The following SPOCK1 variants were observed in gnomAD, a reference collection of about 807,000 sequenced individuals.
SPOCK1 encodes the protein SPARC (osteonectin), cwcv and kazal like domains proteoglycan 1.
In SPOCK1, 23 loss-of-function variants were observed where a neutral mutation model predicts 55.3. That is an observed-to-expected ratio of 0.42 (90% CI 0.30 to 0.59). The LOEUF (loss-of-function observed/expected upper bound fraction) is 0.59. Among genes scored for constraint, SPOCK1 ranks in the 20% least tolerant of loss-of-function variants. The probability of loss-of-function intolerance (pLI) is 0.22; values close to 1 mark genes in which losing one functional copy is unlikely to be tolerated. For missense variants in SPOCK1, 499 were observed against 552.5 expected, an observed-to-expected ratio of 0.90 and a Z score of 0.97; for synonymous variants, 226 against 221.0, an observed-to-expected ratio of 1.02 and a Z score of -0.20.
intron 6 of SPOCK1, among the ~76,000 whole-genome samples, chr5:136,993,840 C>G (rs1750992807): frequency 6.6e-6 from 1 of 152,212 alleles, no homozygotes; most frequent in Non-Finnish European, 1.5e-5. Context: ...AAACTCCAAG[C>G]TAGCCTTCAA....
chr5:137,301,292 C>T (rs1757583828), intron 2 of SPOCK1, among the ~76,000 whole-genome samples: 1 of 152,206 alleles, frequency 6.6e-6, no homozygotes, highest in South Asian at 2.1e-4. Flanking sequence ...ATGCCTGTGG[C>T]TGTCCTGGAC....
chr5:137,159,159 G>C (rs900334052), intron 3 of SPOCK1, among the ~76,000 whole-genome samples: 4 of 152,098 alleles, frequency 2.6e-5, no homozygotes, highest in Non-Finnish European at 5.9e-5. Context: ...TTCTTTGATG[G>C]AGATACAATA....
At chr5:137,326,768 C>A (rs994161679) in intron 2 of SPOCK1, among the ~76,000 whole-genome samples, 3 of 152,172 alleles carry the variant, frequency 2.0e-5, no homozygotes, top group African/African-American at 7.2e-5. Flanking sequence ...GAGATTCAAC[C>A]TTTCACAGAA....
At chr5:137,441,904 C>A (rs1753022341) in intron 2 of SPOCK1, among the ~76,000 whole-genome samples, 1 of 152,194 alleles carries the variant, frequency 6.6e-6, no homozygotes, top group African/African-American at 2.4e-5. Context: ...GCAGAACCCC[C>A]AACAGAGCCA....
chr5:137,149,856 C>T (rs1561627741), intron 3 of SPOCK1, among the ~76,000 whole-genome samples: 1 of 152,136 alleles, frequency 6.6e-6, no homozygotes, highest in Non-Finnish European at 1.5e-5. Context: ...GCAGCTTTGC[C>T]ACTTCTTGCC....
intron 3 of SPOCK1, among the ~76,000 whole-genome samples, chr5:137,266,460 G>C (rs1400842307): frequency 6.6e-6 from 1 of 152,138 alleles, no homozygotes; most frequent in Admixed American, 6.6e-5. Context: ...TGCTTGCTGG[G>C]GGAATGGGGG....
intron 2 of SPOCK1, among the ~76,000 whole-genome samples, chr5:137,412,940 T>C (rs1752239753): frequency 1.3e-5 from 2 of 151,970 alleles, no homozygotes; most frequent in African/African-American, 4.8e-5. Flanking sequence ...TAGATCACTA[T>C]GTTCTAACAG....
chr5:137,251,757 A>G (rs930463636), intron 3 of SPOCK1, among the ~76,000 whole-genome samples: 1 of 152,190 alleles, frequency 6.6e-6, no homozygotes, highest in Non-Finnish European at 1.5e-5. Context: ...GACAGCATAA[A>G]AAAATTATAA....
At chr5:137,405,105 A>T (rs938393155) in intron 2 of SPOCK1, among the ~76,000 whole-genome samples, 1 of 152,210 alleles carries the variant, frequency 6.6e-6, no homozygotes, top group Non-Finnish European at 1.5e-5. Context: ...GCGCCAGAAA[A>T]TTTCCTGAGA....
chr5:137,172,998 C>T lies in SPOCK1; in HGVS notation c.233-32304G>A, dbSNP rs116641421. On this transcript the variant is annotated intron_variant, in intron 3 of 10. Coordinates refer to ENST00000394945, the MANE Select transcript of SPOCK1 (RefSeq NM_004598.4). Reference sequence around the variant, plus strand: ...GCATGTCAAGGGCACAGAAGATATCCATCTTTTTTATCCCCTACCCAATAT... The same window carrying T: ...GCATGTCAAGGGCACAGAAGATATCTATCTTTTTTATCCCCTACCCAATAT... 7.5e-3 allele frequency among the ~76,000 whole-genome samples: 1,137 copies of T among 152,282 alleles called. 15 individuals are homozygous for T. Among genetic ancestry groups the T allele is most frequent in the African/African-American group, 0.027 (1,107 of 41,544 alleles).
intron 9 of SPOCK1, 140 bp downstream of exon 9, chr5:136,985,000 A>G: frequency 1.2e-6 from 1 of 838,558 alleles, no homozygotes; most frequent in East Asian, 2.5e-5. Flanking sequence ...TGCCTGGAAG[A>G]GCTCTGCCTG....
chr5:137,495,948 T>A (rs2149846544), intron 2 of SPOCK1, among the ~76,000 whole-genome samples: 1 of 152,332 alleles, frequency 6.6e-6, no homozygotes, highest in South Asian at 2.1e-4. Flanking sequence ...TTTTTAGATG[T>A]TTTAATGGCA....
In SPOCK1 at chr5:137,222,269, TG is replaced by T. The variant is rs548306274; in HGVS notation, c.232+44740del. Among the ~76,000 whole-genome samples the T allele has an allele frequency of 2.9e-3, 443 of 152,196 alleles. 2 individuals carry two copies. The highest frequency in any genetic ancestry group is 6.0e-3 in the African/African-American group (250 of 41,518). ...ATTCCCGCCCCCACTTCAGAGTAGG[TG>T]GGGGGAACCTCTCTTTGGGTAAGGC... is the stretch of plus-strand genomic sequence containing the variant. On this transcript the variant is annotated intron_variant, in intron 3 of 10. Coordinates refer to ENST00000394945, the MANE Select transcript of SPOCK1 (RefSeq NM_004598.4).
intron 2 of SPOCK1, among the ~76,000 whole-genome samples, chr5:137,467,854 C>T (rs1043201009): frequency 2.6e-5 from 4 of 152,156 alleles, no homozygotes; most frequent in Non-Finnish European, 5.9e-5. Context: ...CAAATAGAAA[C>T]GTTTCTAATT....
chr5:137,067,669 C>T (rs760721203), intron 6 of SPOCK1, 46 bp downstream of exon 6: 3 of 1,534,304 alleles, frequency 2.0e-6, no homozygotes, highest in African/African-American at 1.4e-5. Flanking sequence ...CCCTCTGTGA[C>T]CCCCCATTCC....
rs112631576 is a variant in SPOCK1 at position 137,205,052 on chromosome 5, G to A, written c.232+61958C>T. On this transcript the variant is annotated intron_variant, in intron 3 of 10. Coordinates refer to ENST00000394945, the MANE Select transcript of SPOCK1 (RefSeq NM_004598.4). ...AGAAGATGATTTATTCCCTATCACC[G>A]TACGCCATTTGTTTCTTTACAAGTT... Among the ~76,000 whole-genome samples the A allele has an allele frequency of 9.7e-4, 147 of 152,184 alleles. 1 individual carries two copies. The highest frequency in any genetic ancestry group is 3.3e-3 in the African/African-American group (139 of 41,514).
chr5:137,246,829 C>T (rs1756403269), intron 3 of SPOCK1, among the ~76,000 whole-genome samples: 1 of 119,636 alleles, frequency 8.4e-6, no homozygotes, highest in Non-Finnish European at 2.0e-5. Flanking sequence ...CTGAAAATCA[C>T]AGAGTGAGTT....
chr5:137,305,851 A>G (rs2905544), intron 2 of SPOCK1, among the ~76,000 whole-genome samples: 127,843 of 152,210 alleles, frequency 0.84, 53,811 homozygotes, highest in African/African-American at 0.88. Flanking sequence ...AAGATCTCGG[A>G]GCAGGCCCTA....
intron 3 of SPOCK1, among the ~76,000 whole-genome samples, chr5:137,186,881 C>T (rs1005127134): frequency 6.6e-5 from 10 of 152,186 alleles, no homozygotes; most frequent in African/African-American, 2.4e-4. Flanking sequence ...GACCTCCAGG[C>T]CATTAACTCC....
Sources: allele counts gnomAD v4.1 joint callset (sites outside exome capture counted in the v4.1 genomes callset), GRCh38; gene constraint gnomAD v4.1.1; transcripts MANE v1.5; gene names NCBI Gene and HGNC (gene_info 2026-07-23, HGNC 2026-07-21).